Variants in ETV1 observed in about 807,000 individuals in gnomAD.
ETV1 encodes the protein ETS variant transcription factor 1.
In ETV1, 27 loss-of-function variants were observed where a neutral mutation model predicts 62.3. The observed-to-expected ratio is 0.43, with a 90% CI of 0.32 to 0.60. ETV1 has a LOEUF of 0.60. ETV1 is among the 20% of genes least tolerant of loss of function. The pLI, the probability that ETV1 is intolerant of heterozygous loss-of-function variation, is 0.06. For synonymous variants in ETV1, 222 were observed against 199.6 expected (o/e 1.11, Z -0.94); for missense variants, 605 against 605.8 (o/e 1.00, Z 0.01).
intron 8 of ETV1, among the ~76,000 whole-genome samples, chr7:13,934,449 C>T (rs1786551728): frequency 6.6e-6 from 1 of 152,196 alleles, no homozygotes; most frequent in African/African-American, 2.4e-5. Context: ...TTGCCAGTGG[C>T]ACATCTTCTG....
chr7:13,900,658 T>C (rs1344341829), intron 13 of ETV1, 80 bp downstream of exon 13: 10 of 993,050 alleles, frequency 1.0e-5, no homozygotes, highest in Non-Finnish European at 1.5e-5. Context: ...AGCAATGCAA[T>C]GATATGTGGC....
Position 13,909,688 on chromosome 7 carries a change from T to G in ETV1, c.884A>C (p.Glu295Ala), listed in dbSNP as rs750579850. 1 of 1,612,746 alleles carries G rather than the reference T, an allele frequency of 6.2e-7. No individual in the cohort carries two copies. Among genetic ancestry groups the G allele is most frequent in the African/African-American group, 1.3e-5 (1 of 74,864 alleles). Residue 295 changes from glutamate (E) to alanine (A), a missense_variant, in exon 11 of 14, where the codon GAA (glutamate) becomes GCA (alanine). Transcript: ENST00000430479. Reference protein sequence around the residue: ...HPSRTEGCMFEKGPRQFYDDT... With the variant: ...HPSRTEGCMFAKGPRQFYDDT... ...ATCATAAAACTGCCTGGGGCCCTTT[T>G]CAAACATACAGCCTGTGGATGAAAA...
At chr7:13,918,825 GTAAC>G (rs1239197621) in intron 9 of ETV1, among the ~76,000 whole-genome samples, 1 of 146,430 alleles carries the variant, frequency 6.8e-6, no homozygotes, top group Non-Finnish European at 1.5e-5. Flanking sequence ...GTATACATAT[GTAAC>G]TAACCTGCAC....
At chr7:13,900,009 G>C (rs759466546) in intron 13 of ETV1, among the ~76,000 whole-genome samples, 1 of 152,110 alleles carries the variant, frequency 6.6e-6, no homozygotes, top group African/African-American at 2.4e-5. Context: ...CGCACCTGTA[G>C]TCCCAGCAAC....
Position 13,937,767 on chromosome 7 carries a change from A to C in ETV1, c.365+1350T>G, listed in dbSNP as rs3801097. 2.7e-3 allele frequency among the ~76,000 whole-genome samples: 414 copies of C among 152,374 alleles called. 4 individuals carry two copies. In the East Asian group the frequency reaches 0.03, roughly 11 times the overall value. Reference sequence around the variant, plus strand: ...GTCTTATCTGAACTCATTATGCTTTAATAGTTACCTTCTACAAGAGACCTT... The same window carrying C: ...GTCTTATCTGAACTCATTATGCTTTCATAGTTACCTTCTACAAGAGACCTT... On this transcript the variant is annotated intron_variant, in intron 7 of 13. Coordinates refer to ENST00000430479, the MANE Select transcript of ETV1 (RefSeq NM_004956.5).
At chr7:13,923,800 AGGCG>A (rs1785115767) in intron 9 of ETV1, among the ~76,000 whole-genome samples, 1 of 152,124 alleles carries the variant, frequency 6.6e-6, no homozygotes, top group African/African-American at 2.4e-5. Context: ...TGGGAGGCTG[AGGCG>A]GGCGGATCAC....
intron 9 of ETV1, among the ~76,000 whole-genome samples, chr7:13,914,995 A>C (rs1047278062): frequency 4.6e-5 from 7 of 152,204 alleles, no homozygotes; most frequent in Non-Finnish European, 1.0e-4. Context: ...AGGGAGAAAA[A>C]CAAGTCTTTT....
intron 6 of ETV1, among the ~76,000 whole-genome samples, chr7:13,946,981 G>A (rs1290091222): frequency 6.6e-6 from 1 of 152,120 alleles, no homozygotes; most frequent in Non-Finnish European, 1.5e-5. Flanking sequence ...AGTAGAGACG[G>A]GGTTTCACCA....
chr7:13,932,341 G>A (rs569981933), intron 8 of ETV1, among the ~76,000 whole-genome samples: 1 of 152,100 alleles, frequency 6.6e-6, no homozygotes, highest in African/African-American at 2.4e-5. Flanking sequence ...AACAAAACTA[G>A]GTATTATAAG....
chr7:13,947,196 T>C (rs1788264528), intron 6 of ETV1, among the ~76,000 whole-genome samples: 1 of 152,222 alleles, frequency 6.6e-6, no homozygotes, highest in Admixed American at 6.5e-5. Context: ...GACTGGTTAA[T>C]GTAAATCCAG....
rs929304910 is a variant in ETV1 at position 13,893,734 on chromosome 7, T to C, written c.*2132A>G. 19 of 232,820 alleles carry C rather than the reference T, an allele frequency of 8.2e-5. No individual in the cohort carries two copies. Among genetic ancestry groups the C allele is most frequent in the Non-Finnish European group, 1.3e-4 (15 of 117,636 alleles). 14.4% of individuals were successfully genotyped at this position (232,820 alleles called of 1,614,324 possible). A position where few individuals can be genotyped will look rare whatever the true frequency, so the allele number is the denominator to read the frequency against. ...CTTCAATTTCACCAAATCTCAATTA[T>C]ATATCTCAATTCCTTTTTCCAATAA... is the stretch of plus-strand genomic sequence containing the variant. On this transcript the variant is annotated 3_prime_UTR_variant, in exon 14 of 14. Transcript: ENST00000430479.
intron 3 of ETV1, 25 bp from the exon 4 acceptor site, chr7:13,988,198 T>C (rs1782721745): frequency 6.6e-7 from 1 of 1,523,002 alleles, no homozygotes; most frequent in South Asian, 1.1e-5. Context: ...ATAAAATCCT[T>C]TAAAAGAATG....
At chr7:13,980,677 C>A (rs945936173) in intron 5 of ETV1, among the ~76,000 whole-genome samples, 1 of 152,198 alleles carries the variant, frequency 6.6e-6, no homozygotes, top group South Asian at 2.1e-4. Context: ...CAGTTCATTG[C>A]ACGTTAATAG....
At chr7:13,929,775 T>G (rs1044806895) in intron 9 of ETV1, among the ~76,000 whole-genome samples, 1 of 152,136 alleles carries the variant, frequency 6.6e-6, no homozygotes, top group Non-Finnish European at 1.5e-5. Context: ...CTTGCATGCT[T>G]TCTAGAAGTT....
At chr7:13,952,091 CA>C (rs1271901360) in intron 6 of ETV1, among the ~76,000 whole-genome samples, 1 of 152,060 alleles carries the variant, frequency 6.6e-6, no homozygotes, top group Admixed American at 6.6e-5. Context: ...TCAGTTAGGA[CA>C]AGGTATCCCG....
At chr7:13,987,727 A>T (rs1305561557) in intron 4 of ETV1, among the ~76,000 whole-genome samples, 1 of 152,220 alleles carries the variant, frequency 6.6e-6, no homozygotes, top group Non-Finnish European at 1.5e-5. Flanking sequence ...AAAAGTAAGC[A>T]GTGTACATAG....
intron 9 of ETV1, among the ~76,000 whole-genome samples, chr7:13,913,674 A>G (rs537409592): frequency 6.6e-6 from 1 of 152,244 alleles, no homozygotes; most frequent in African/African-American, 2.4e-5. Flanking sequence ...ATATATCTAA[A>G]TAAGTTACAT....
At chr7:13,925,375 G>A (rs57236781) in intron 9 of ETV1, among the ~76,000 whole-genome samples, 6,486 of 152,238 alleles carry the variant, frequency 0.043, 483 homozygotes, top group African/African-American at 0.15. Context: ...CAAGCACTGT[G>A]CAAGGTGAAC....
intron 10 of ETV1, among the ~76,000 whole-genome samples, chr7:13,910,724 AG>A (rs1210398361): frequency 1.3e-5 from 2 of 152,188 alleles, no homozygotes; most frequent in Non-Finnish European, 2.9e-5. Flanking sequence ...TTACAGGCAA[AG>A]CTTTCCTACC....
Sources: gnomAD v4.1 joint callset for allele counts (sites outside exome capture counted in the v4.1 genomes callset) on GRCh38, gnomAD v4.1.1 for gene constraint, MANE v1.5 for transcripts, NCBI Gene and HGNC (gene_info 2026-07-23, HGNC 2026-07-21) for gene names.